The following DAB1 variants were observed in gnomAD, a reference collection of about 807,000 sequenced individuals.
DAB1 encodes disabled homolog 1.
Under a neutral mutation model 64.6 loss-of-function variants are expected in DAB1, and 15 were observed. The ratio of observed to expected loss-of-function variants is 0.23; its 90% CI spans 0.16 to 0.36. DAB1 has a LOEUF of 0.36. Ranked by LOEUF, DAB1 falls within the 10% of genes least tolerant of loss-of-function variation. The probability of loss-of-function intolerance (pLI) is 1.00; values close to 1 mark genes in which losing one functional copy is unlikely to be tolerated. For missense variants in DAB1, 596 were observed against 706.7 expected (o/e 0.84, Z 1.78); for synonymous variants, 235 against 251.9 (o/e 0.93, Z 0.64).
chr1:58,533,481 G>C (rs1646467809), intron 1 of DAB1, among the ~76,000 whole-genome samples: 1 of 85,740 alleles, frequency 1.2e-5, no homozygotes, highest in Non-Finnish European at 3.0e-5. Flanking sequence ...GCAAGGTATT[G>C]TTATTACTCT....
chr1:58,054,316 G>T (rs571985690), intron 5 of DAB1, among the ~76,000 whole-genome samples: 254 of 152,290 alleles, frequency 1.7e-3, no homozygotes, highest in African/African-American at 5.7e-3. Flanking sequence ...AGTGCAAAGA[G>T]TTCTTTCTAC....
chr1:58,344,662 A>G (rs1643975213), intron 3 of DAB1, among the ~76,000 whole-genome samples: 1 of 152,208 alleles, frequency 6.6e-6, no homozygotes, highest in East Asian at 1.9e-4. Context: ...GGCTGAGTTC[A>G]GTGGACTTGA....
At chr1:57,499,669 G>C (rs773108647) in intron 7 of DAB1, among the ~76,000 whole-genome samples, 2 of 152,214 alleles carry the variant, frequency 1.3e-5, no homozygotes, top group Non-Finnish European at 1.5e-5. Flanking sequence ...TTACTGAAAT[G>C]AAGGCCTTGC....
chr1:58,130,847 C>G (rs1653505871), intron 5 of DAB1, among the ~76,000 whole-genome samples: 1 of 152,064 alleles, frequency 6.6e-6, no homozygotes, highest in Non-Finnish European at 1.5e-5. Flanking sequence ...TGATGGGCTT[C>G]CCTTTGAGGG....
rs1293471014 is a variant in DAB1, at chr1:58,300,637, AGAGAGAGAG to A, written n.309+42706_309+42714del. ...GAGAGAGAGAGAGAGAGAGAGAGAG[AGAGAGAGAG>A]AGGAAGGAAGGAAGGAAGGAAGGAA... On this transcript the variant is annotated intron_variant and non_coding_transcript_variant, in intron 4 of 20. Coordinates refer to the DAB1 transcript ENST00000485760. 9.1e-3 allele frequency among the ~76,000 whole-genome samples: 573 copies of A among 62,902 alleles called. 20 individuals carry two copies. The highest frequency in any genetic ancestry group is 0.011 in the Non-Finnish European group (322 of 28,762). 41.3% of individuals were successfully genotyped at this position (62,902 alleles called of 152,430 possible).
chr1:58,413,162 A>T (rs1644686858), intron 3 of DAB1, among the ~76,000 whole-genome samples: 1 of 152,240 alleles, frequency 6.6e-6, no homozygotes, highest in Non-Finnish European at 1.5e-5. Context: ...CTAATAGCTT[A>T]GCACTTGGCC....
chr1:58,045,738 A>G (rs1035260184), intron 5 of DAB1, among the ~76,000 whole-genome samples: 2 of 151,918 alleles, frequency 1.3e-5, no homozygotes, highest in African/African-American at 4.8e-5. Context: ...CTTTGTTTTC[A>G]TCTCCATCCT....
intron 14 of DAB1, among the ~76,000 whole-genome samples, chr1:57,010,257 A>G (rs1202409078): frequency 2.0e-5 from 3 of 152,142 alleles, no homozygotes; most frequent in Non-Finnish European, 2.9e-5. Flanking sequence ...CCATCTCAAA[A>G]TGTTGATGCT....
intron 7 of DAB1, among the ~76,000 whole-genome samples, chr1:57,469,505 G>A (rs1267992129): frequency 6.6e-6 from 1 of 152,094 alleles, no homozygotes; most frequent in Non-Finnish European, 1.5e-5. Context: ...GAGATGCTAG[G>A]TCCCACCAAC....
In DAB1 at chr1:57,175,852, A is replaced by G. The variant is rs570393022; in HGVS notation, c.68-30423T>C. Among the ~76,000 whole-genome samples the G allele has an allele frequency of 6.8e-4, 104 of 152,332 alleles. 1 individual carries two copies. The highest frequency in any genetic ancestry group is 2.4e-3 in the African/African-American group (101 of 41,590). ...GCAGCCCCAGTAAAGCCACATTTTC[A>G]GGAAAGGCAGTACTTCCAGGCTGAT... On this transcript the variant is annotated intron_variant, in intron 2 of 14. Coordinates refer to ENST00000371236, the MANE Select transcript of DAB1 (RefSeq NM_001365792.1).
chr1:58,052,886 T>G (rs1247469378), intron 5 of DAB1, among the ~76,000 whole-genome samples: 3 of 152,212 alleles, frequency 2.0e-5, no homozygotes, highest in Non-Finnish European at 4.4e-5. Context: ...AATTCTGCAG[T>G]CTGTACAAGA....
chr1:57,643,478 T>TA (rs1172107815), intron 7 of DAB1, among the ~76,000 whole-genome samples: 1 of 152,216 alleles, frequency 6.6e-6, no homozygotes, highest in Non-Finnish European at 1.5e-5. Context: ...TTATGTTAGT[T>TA]ATTAACTGGT....
intron 7 of DAB1, among the ~76,000 whole-genome samples, chr1:57,591,990 T>C (rs1645451028): frequency 6.6e-6 from 1 of 152,170 alleles, no homozygotes; most frequent in Admixed American, 6.5e-5. Context: ...TCAGATAAGT[T>C]ACAAATAAGC....
At chr1:57,594,644 G>A (rs2101575277) in intron 7 of DAB1, among the ~76,000 whole-genome samples, 1 of 152,234 alleles carries the variant, frequency 6.6e-6, no homozygotes, top group East Asian at 1.9e-4. Context: ...GATTTCTTTT[G>A]TTCTAAATTT....
intron 2 of DAB1, among the ~76,000 whole-genome samples, chr1:57,150,040 C>T (rs1659511592): frequency 6.6e-6 from 1 of 152,130 alleles, no homozygotes; most frequent in Non-Finnish European, 1.5e-5. Flanking sequence ...GACAATAGGC[C>T]TTGATGGTCT....
intron 2 of DAB1, among the ~76,000 whole-genome samples, chr1:57,279,518 A>G (rs939171348): frequency 6.6e-6 from 1 of 152,206 alleles, no homozygotes; most frequent in Non-Finnish European, 1.5e-5. Flanking sequence ...AGATAGCTGT[A>G]TACTCATTTC....
At chr1:57,523,496 G>A (rs1644555206) in intron 7 of DAB1, among the ~76,000 whole-genome samples, 1 of 152,166 alleles carries the variant, frequency 6.6e-6, no homozygotes. Flanking sequence ...TTTCCAGTAA[G>A]AAATTCTCAG....
chr1:58,315,052 A>G (rs186711267), intron 4 of DAB1, among the ~76,000 whole-genome samples: 1 of 152,362 alleles, frequency 6.6e-6, no homozygotes, highest in Admixed American at 6.5e-5. Flanking sequence ...TTCAAGGACC[A>G]GAGCTAAACT....
rs146940507 is a variant in DAB1, at chr1:57,803,830, G to A, written n.551+80169C>T. Among the ~76,000 whole-genome samples, 496 of 152,256 alleles carry A rather than the reference G, an allele frequency of 3.3e-3. 4 individuals carry two copies. Among genetic ancestry groups the A allele is most frequent in the African/African-American group, 0.011 (467 of 41,542 alleles). Reference sequence around the variant, plus strand: ...TCACTGATTTTTGGGACCATATGCCGGAGACTTCCTTGCTTTTTCCTAGCT... The same window carrying A: ...TCACTGATTTTTGGGACCATATGCCAGAGACTTCCTTGCTTTTTCCTAGCT... On this transcript the variant is annotated intron_variant and non_coding_transcript_variant, in intron 6 of 20. Coordinates refer to the DAB1 transcript ENST00000485760.
Sources: allele counts gnomAD v4.1 joint callset (sites outside exome capture counted in the v4.1 genomes callset), GRCh38; gene constraint gnomAD v4.1.1; transcripts MANE v1.5; gene names NCBI Gene and HGNC (gene_info 2026-07-23, HGNC 2026-07-21).